The following MYCBPAP variants were observed in gnomAD, a reference collection of about 807,000 sequenced individuals.
MYCBPAP encodes MYCBP-associated protein.
MYCBPAP carries 60 observed loss-of-function variants against 106.1 expected under a neutral mutation model. That is an observed-to-expected ratio of 0.57 (90% confidence interval 0.46 to 0.70). MYCBPAP has a LOEUF of 0.70. Ranked by LOEUF, MYCBPAP falls within the 30% of genes least tolerant of loss-of-function variation. MYCBPAP has a pLI of 0.00. For missense variants in MYCBPAP, 1,064 were observed against 1,169.3 expected, an observed-to-expected ratio of 0.91 and a Z score of 1.31; for synonymous variants, 407 against 440.6, an observed-to-expected ratio of 0.92 and a Z score of 0.95.
chr17:50,517,208 A>AC (rs1444221007), intron 2 of MYCBPAP, 85 bp from the exon 3 acceptor site: 11 of 1,319,204 alleles, frequency 8.3e-6, no homozygotes, highest in Non-Finnish European at 1.1e-5. Context: ...CAGGAACTCC[A>AC]CCCAGAACTA....
intron 6 of MYCBPAP, 74 bp from the exon 7 acceptor site, chr17:50,519,566 T>C: frequency 1.3e-6 from 2 of 1,566,030 alleles, no homozygotes; most frequent in South Asian, 2.3e-5. Context: ...GGTGGTGCTC[T>C]TGTCTTCCCA....
At chr17:50,528,077 A>C in intron 15 of MYCBPAP, 78 bp from the exon 16 acceptor site, 1 of 1,231,396 alleles carries the variant, frequency 8.1e-7, no homozygotes, top group Non-Finnish European at 1.2e-6. Flanking sequence ...GGGTCTTTGA[A>C]GGGAGGGACC....
intron 17 of MYCBPAP, 37 bp from the exon 18 acceptor site, chr17:50,528,981 G>T (rs1249245024): frequency 1.2e-6 from 2 of 1,604,662 alleles, no homozygotes; most frequent in Middle Eastern, 1.7e-4. Flanking sequence ...TACCTCTGGA[G>T]CTCCTGAAGG....
intron 1 of MYCBPAP, chr17:50,510,187 G>A (rs1419830180): frequency 6.6e-6 from 1 of 152,050 alleles, no homozygotes; most frequent in African/African-American, 2.4e-5. Context: ...ACTAACAGGA[G>A]CTTAGTCGCT....
At chr17:50,527,519 G>A (rs1209992635) in intron 15 of MYCBPAP, 111 bp downstream of exon 15, 7 of 1,414,704 alleles carry the variant, frequency 4.9e-6, no homozygotes, top group Non-Finnish European at 6.7e-6. Context: ...GTTGAGCTCA[G>A]GTTGCTAGAG....
rs764201681 is a variant in MYCBPAP at position 50,508,623 on chromosome 17, G to C, written c.-52G>C. 2 of 1,567,244 alleles carry C rather than the reference G, an allele frequency of 1.3e-6. No individual in the cohort carries two copies. Among genetic ancestry groups the C allele is most frequent in the South Asian group, 2.3e-5 (2 of 87,180 alleles). On this transcript the variant is annotated 5_prime_UTR_variant, in exon 1 of 19. Transcript: ENST00000323776. Reference sequence around the variant, plus strand: ...GGCTGGCGGGTGCGGCGCAGCCTCGGTGTCTCTGGGCCGGCGGTGCAGGGC... The same window carrying C: ...GGCTGGCGGGTGCGGCGCAGCCTCGCTGTCTCTGGGCCGGCGGTGCAGGGC...
At position 50,525,986 on chromosome 17, in the gene MYCBPAP, G is replaced by A. The variant is rs201901914; in HGVS notation, c.1888G>A (p.Val630Ile). Residue 630 changes from valine (V) to isoleucine (I), a missense_variant, in exon 14 of 19, where the codon GTC (valine) becomes ATC (isoleucine). Val to Ile is a conservative substitution (Grantham distance 29). Coordinates refer to ENST00000323776, the MANE Select transcript of MYCBPAP (RefSeq NM_032133.6). ...GGCCAGGCCAGGGGACAAGGAGCAC[G>A]TCAGCCCCATAGCCACAGAGAAGGC... ...EEARPGDKEH[V>I]SPIATEKASV... 1.4e-5 allele frequency: 23 copies of A among 1,613,832 alleles called. No homozygotes were observed. Among genetic ancestry groups the A allele is most frequent in the Admixed American group, 6.7e-5 (4 of 60,012 alleles).
intron 9 of MYCBPAP, among the ~76,000 whole-genome samples, chr17:50,521,733 G>C (rs887896402): frequency 8.5e-5 from 13 of 152,204 alleles, no homozygotes; most frequent in Non-Finnish European, 1.6e-4. Context: ...GAGAGTCTGT[G>C]TATTTCTGTG....
chr17:50,527,129 G>A (rs886281176), intron 14 of MYCBPAP, 158 bp from the exon 15 acceptor site: 12 of 955,142 alleles, frequency 1.3e-5, no homozygotes, highest in Non-Finnish European at 1.4e-5. Flanking sequence ...TTCTGAGGGG[G>A]GTCCCTGGCT....
chr17:50,517,507 A>G (rs781556887), intron 3 of MYCBPAP, 55 bp downstream of exon 3: 1 of 1,613,978 alleles, frequency 6.2e-7, no homozygotes, highest in Non-Finnish European at 8.5e-7. Context: ...GGTCAGCCTC[A>G]AGAGAAACCC....
chr17:50,515,772 G>A (rs2034025852), intron 1 of MYCBPAP: 1 of 152,330 alleles, frequency 6.6e-6, no homozygotes, highest in South Asian at 2.1e-4. Flanking sequence ...GTTAAGTGAT[G>A]CGTACCCAAG....
At position 50,525,000 on chromosome 17, in the gene MYCBPAP, T is replaced by TTC; in HGVS notation, c.1760_1761insCT (p.Leu587PhefsTer28). 6.2e-7 allele frequency: 1 copy of TTC among 1,613,464 alleles called. No homozygotes were observed. Among genetic ancestry groups the TTC allele is most frequent in the Non-Finnish European group, 8.5e-7 (1 of 1,179,722 alleles). ...GGATGCCTATCTCACCGAGGAAGAC[T>TTC]TGTTCCGGCACAGAAATCCTCCGGT... On this transcript the variant is annotated frameshift_variant, in exon 13 of 19. Transcript: ENST00000323776. LOFTEE classifies it high-confidence loss of function.
intron 1 of MYCBPAP, chr17:50,509,964 G>A (rs957736705): frequency 6.6e-6 from 1 of 152,158 alleles, no homozygotes; most frequent in African/African-American, 2.4e-5. Context: ...AAAAAGGAGA[G>A]GTTTGCTTCT....
chr17:50,517,222 C>G, intron 2 of MYCBPAP, 71 bp from the exon 3 acceptor site: 2 of 1,427,268 alleles, frequency 1.4e-6, no homozygotes, highest in Non-Finnish European at 2.0e-6. Context: ...AGAACTAGAA[C>G]AGAAGAGATG....
intron 12 of MYCBPAP, among the ~76,000 whole-genome samples, chr17:50,524,145 A>G (rs903418702): frequency 1.3e-5 from 2 of 152,200 alleles, no homozygotes; most frequent in African/African-American, 4.8e-5. Context: ...CATTTAAGCG[A>G]CAAGACTTCA....
Position 50,524,882 on chromosome 17 carries a change from G to A in MYCBPAP, c.1641G>A (p.Lys547=). Residue 547 remains lysine (K), a synonymous_variant, in exon 13 of 19, where the codon AAG becomes AAA. Transcript: ENST00000323776. ...TGCCACCTTCCCTTTTGCAGAGCAA[G>A]CTGACTGCCCATGAGGCAGTCACCG... ...FEDERKVLES[K]LTAHEAVTVV... 1.2e-6 allele frequency: 2 copies of A among 1,613,434 alleles called. No homozygotes were observed. Among genetic ancestry groups the A allele is most frequent in the South Asian group, 1.1e-5 (1 of 91,032 alleles).
At position 50,529,073 on chromosome 17, in the gene MYCBPAP, C is replaced by A. The variant is rs571792181; in HGVS notation, c.2609C>A (p.Ser870Tyr). The change falls in exon 18 of 19, where the codon TCT (serine) becomes TAT (tyrosine). Residue 870 changes from serine to tyrosine, a missense_variant. Coordinates refer to ENST00000323776, the MANE Select transcript of MYCBPAP (RefSeq NM_032133.6). ...KAKDDKKVIK[S>Y]ASQDRFSLED... ...AAGGATGACAAGAAAGTCATAAAAT[C>A]TGCAAGTCAGGACAGGTTTTCTTTG... 3 of 1,614,148 alleles carry A rather than the reference C, an allele frequency of 1.9e-6. No homozygotes were observed. The highest frequency in any genetic ancestry group is 4.5e-5 in the East Asian group (2 of 44,882).
In MYCBPAP at chr17:50,519,838, C is replaced by A. The variant is rs1357420192; in HGVS notation, c.916+51C>A. ...TAGCATCTTGTGCCTGGCCCGGAGGCAGGGTAGTGTGGAAGTGGCCAGCAT... is the reference window on the plus strand; with the variant it reads ...TAGCATCTTGTGCCTGGCCCGGAGGAAGGGTAGTGTGGAAGTGGCCAGCAT... On this transcript the variant is annotated intron_variant, in intron 7 of 18. Coordinates refer to ENST00000323776, the MANE Select transcript of MYCBPAP (RefSeq NM_032133.6). The A allele has an allele frequency of 3.2e-6, 5 of 1,580,962 alleles. No individual in the cohort carries two copies. The South Asian group carries it at 3.4e-5, about 11-fold the overall frequency.
Position 50,517,317 on chromosome 17 carries a change from A to G in MYCBPAP, c.229A>G (p.Lys77Glu). The G allele has an allele frequency of 6.2e-7, 1 of 1,614,136 alleles. No homozygotes were observed. Among genetic ancestry groups the G allele is most frequent in the Non-Finnish European group, 8.5e-7 (1 of 1,180,034 alleles). The change falls in exon 3 of 19, where the codon AAG becomes GAG. Residue 77 changes from lysine to glutamate, a missense_variant. Transcript: ENST00000323776. The part of the protein sequence containing the change: ...KEQHIPRLTE[K>E]EDKRVITQKF... The stretch of plus-strand genomic sequence containing the variant: ...GCAACACATTCCTCGCCTTACTGAA[A>G]AGGAAGATAAACGTGTCATCACCCA...
Sources: gnomAD v4.1 joint callset for allele counts (sites outside exome capture counted in the v4.1 genomes callset) on GRCh38, gnomAD v4.1.1 for gene constraint, MANE v1.5 for transcripts, NCBI Gene and HGNC (gene_info 2026-07-23, HGNC 2026-07-21) for gene names.